Variants in ANXA11 observed in about 807,000 individuals in gnomAD.
The protein encoded by ANXA11 is 56 kDa autoantigen.
Under a neutral mutation model 64.7 loss-of-function variants are expected in ANXA11, and 57 were observed. That is an observed-to-expected ratio of 0.88 (90% confidence interval 0.71 to 1.10). ANXA11 has a LOEUF of 1.10. Among genes scored for constraint, ANXA11 ranks in the 50% least tolerant of loss-of-function variants. ANXA11 has a pLI of 0.00. For missense variants in ANXA11, 675 were observed against 670.7 expected, an observed-to-expected ratio of 1.01 and a Z score of -0.07; for synonymous variants, 260 against 265.2, an observed-to-expected ratio of 0.98 and a Z score of 0.19.
chr10:80,167,772 C>A (rs188652402), intron 5 of ANXA11, among the ~76,000 whole-genome samples: 1 of 152,346 alleles, frequency 6.6e-6, no homozygotes, highest in African/African-American at 2.4e-5. Context: ...CACAACTGTG[C>A]ATGGCAGCCT....
intron 7 of ANXA11, 71 bp from the exon 8 acceptor site, chr10:80,166,268 A>G (rs1220647515): frequency 1.1e-5 from 10 of 904,192 alleles, no homozygotes; most frequent in Non-Finnish European, 1.7e-5. Flanking sequence ...ACAGGAAGTG[A>G]CTAATAAGAG....
intron 11 of ANXA11, among the ~76,000 whole-genome samples, chr10:80,162,436 T>G (rs1216851544): frequency 6.6e-6 from 1 of 152,258 alleles, no homozygotes; most frequent in African/African-American, 2.4e-5. Flanking sequence ...AGGCAGACCC[T>G]GCAGGAGCAG....
At chr10:80,166,458 T>C in intron 7 of ANXA11, 1 of 468,598 alleles carries the variant, frequency 2.1e-6, no homozygotes, top group Non-Finnish European at 3.8e-6. Flanking sequence ...ATCTAATCAA[T>C]ATTTACCGAA....
intron 8 of ANXA11, 111 bp from the exon 9 acceptor site, chr10:80,164,254 C>G: frequency 1.3e-6 from 1 of 787,826 alleles, no homozygotes. Flanking sequence ...AACAGAGGCC[C>G]CTGACACAGA....
At chr10:80,205,135 G>T (rs571821042) in intron 1 of ANXA11, among the ~76,000 whole-genome samples, 1 of 152,084 alleles carries the variant, frequency 6.6e-6, no homozygotes, top group African/African-American at 2.4e-5. Context: ...CGCCGAGGCT[G>T]ATCTAGGGGG....
chr10:80,205,083 C>T (rs1449977100), intron 1 of ANXA11, among the ~76,000 whole-genome samples: 1 of 151,920 alleles, frequency 6.6e-6, no homozygotes, highest in Non-Finnish European at 1.5e-5. Context: ...CCCGGGGGGA[C>T]GGCGAGTGCA....
At chr10:80,185,699 T>C (rs1353489494) in intron 1 of ANXA11, among the ~76,000 whole-genome samples, 2 of 152,228 alleles carry the variant, frequency 1.3e-5, no homozygotes. Context: ...ACTAAAATTA[T>C]CCTTCTCATA....
Position 80,185,254 on chromosome 10 carries a change from C to T in ANXA11, c.-57-9099G>A, listed in dbSNP as rs572797329. ...CCCAGAAGTCTTGCTCAGATCTAAC[C>T]GGGATGCCCAGGCCTAGCTCAGCCT... On this transcript the variant is annotated intron_variant, in intron 1 of 15. Transcript: ENST00000422982. Among the ~76,000 whole-genome samples the T allele has an allele frequency of 6.6e-5, 10 of 152,314 alleles. No individual in the cohort carries two copies. The East Asian group carries it at 1.2e-3, about 18-fold the overall frequency.
At position 80,155,857 on chromosome 10, in the gene ANXA11, TC is replaced by T. The variant is rs1234740729; in HGVS notation, c.1513del (p.Asp505ThrfsTer4). On this transcript the variant is annotated frameshift_variant, in exon 16 of 16. Coordinates refer to ENST00000422982, the MANE Select transcript of ANXA11 (RefSeq NM_145868.2). LOFTEE classifies it high-confidence loss of function. ...KILLKICGGN[D>X] ...AAGTGAGCCACCAGTCACTGTTCAG[TC>T]ATTGCCACCACAGATCTTCAGCAGA... The T allele has an allele frequency of 1.5e-5, 24 of 1,614,076 alleles. No individual in the cohort carries two copies. The highest frequency in any genetic ancestry group is 2.0e-5 in the Non-Finnish European group (24 of 1,180,010).
chr10:80,170,043 T>C (rs543799340), intron 4 of ANXA11, among the ~76,000 whole-genome samples: 8 of 152,216 alleles, frequency 5.3e-5, no homozygotes, highest in African/African-American at 1.9e-4. Context: ...TTAAAATCAT[T>C]ATCCTTACAT....
At chr10:80,164,208 G>C in intron 8 of ANXA11, 65 bp from the exon 9 acceptor site, 1 of 1,304,178 alleles carries the variant, frequency 7.7e-7, no homozygotes, top group Middle Eastern at 1.9e-4. Context: ...CACTCGGGAA[G>C]AAGGGTGGGG....
At chr10:80,188,511 A>ATATATATATATATATATATAT (rs1554834982) in intron 1 of ANXA11, among the ~76,000 whole-genome samples, 4 of 126,502 alleles carry the variant, frequency 3.2e-5, no homozygotes, top group Non-Finnish European at 5.0e-5. Flanking sequence ...ATATATATAT[A>ATATATATATATATATATATAT]GCACTACAAC....
rs746467312 is a variant in ANXA11, at chr10:80,163,545, A to T, written c.1018T>A (p.Ser340Thr). Residue 340 changes from serine to threonine, a missense_variant, in exon 10 of 16, where the codon TCT becomes ACT. Physicochemically the swap from Ser to Thr is moderately conservative, Grantham distance 58 (BLOSUM62 1). Transcript: ENST00000422982. The part of the protein sequence containing the change: ...TSGHFQRLLI[S>T]LSQGNRDEST... ...CGTGGGAAAAGTACCTGAGAGAGAG[A>T]GATGAGGAGCCGCTGGAAGTGCCCT... 14 of 1,579,660 alleles carry T rather than the reference A, an allele frequency of 8.9e-6. No individual in the cohort carries two copies. Among genetic ancestry groups the T allele is most frequent in the Non-Finnish European group, 1.2e-5 (14 of 1,162,154 alleles).
Position 80,162,040 on chromosome 10 carries a change from G to A in ANXA11, c.1087-12C>T, listed in dbSNP as rs1268634933. 6.2e-7 allele frequency: 1 copy of A among 1,606,656 alleles called. No individual in the cohort carries two copies. Among genetic ancestry groups the A allele is most frequent in the South Asian group, 1.1e-5 (1 of 90,938 alleles). On this transcript the variant is annotated splice_polypyrimidine_tract_variant and intron_variant, in intron 11 of 15. Transcript: ENST00000422982. ...GCCGCATACAGCTCCTGGAGAGAGA[G>A]GAAGACGCACATGTGGCACAGGCCA...
At chr10:80,168,040 G>A (rs1845815895) in intron 5 of ANXA11, among the ~76,000 whole-genome samples, 1 of 152,138 alleles carries the variant, frequency 6.6e-6, no homozygotes, top group African/African-American at 2.4e-5. Flanking sequence ...TGGAAGGGAA[G>A]GAGGAAAGGA....
intron 1 of ANXA11, among the ~76,000 whole-genome samples, chr10:80,193,360 T>C (rs1846850573): frequency 6.6e-6 from 1 of 152,208 alleles, no homozygotes; most frequent in African/African-American, 2.4e-5. Context: ...TGATTAACTC[T>C]GGAGAAAGGG....
intron 1 of ANXA11, among the ~76,000 whole-genome samples, chr10:80,198,379 C>T (rs994409241): frequency 2.0e-5 from 3 of 152,312 alleles, no homozygotes; most frequent in Non-Finnish European, 4.4e-5. Context: ...TTTCCAGACC[C>T]CTAGCAGCTA....
At chr10:80,185,111 T>A (rs1233539489) in intron 1 of ANXA11, among the ~76,000 whole-genome samples, 1 of 152,214 alleles carries the variant, frequency 6.6e-6, no homozygotes, top group Non-Finnish European at 1.5e-5. Flanking sequence ...ACTCCCACAA[T>A]ATGCATTTTG....
At chr10:80,193,376 G>C (rs1161390888) in intron 1 of ANXA11, among the ~76,000 whole-genome samples, 3 of 152,156 alleles carry the variant, frequency 2.0e-5, no homozygotes, top group African/African-American at 7.2e-5. Context: ...AAGGGAAAGA[G>C]GAAGGATGTG....
Sources: gnomAD v4.1 joint callset for allele counts (sites outside exome capture counted in the v4.1 genomes callset) on GRCh38, gnomAD v4.1.1 for gene constraint, MANE v1.5 for transcripts, NCBI Gene and HGNC (gene_info 2026-07-23, HGNC 2026-07-21) for gene names.